RGS3: variants seen among roughly 807,000 people sequenced by gnomAD.
RGS3 encodes regulator of G protein signaling 3, also known as regulator of G-protein signalling 3.
RGS3 carries 80 observed loss-of-function variants against 132.6 expected under a neutral mutation model. The observed-to-expected ratio is 0.60, with a 90% CI of 0.50 to 0.73. RGS3 has a LOEUF of 0.73. Among genes scored for constraint, RGS3 ranks in the 30% least tolerant of loss-of-function variants. RGS3 has a pLI of 0.00. For missense variants in RGS3, 1,382 were observed against 1,530.8 expected (o/e 0.90, Z 1.62); for synonymous variants, 598 against 620.6 (o/e 0.96, Z 0.54).
At position 113,461,810 on chromosome 9, in the gene RGS3, C is replaced by G. The variant is rs775537894; in HGVS notation, c.184C>G (p.Leu62Val). The stretch of plus-strand genomic sequence containing the variant: ...CACAGCCTCTGGAGCCCAAGATAGT[C>G]TCCCCTTTGGGAGGAGGCTCTACAG... The change falls in exon 2 of 25, where the codon CTC becomes GTC. Residue 62 changes from leucine to valine, a missense_variant. Leu to Val is a conservative substitution (Grantham distance 32). Transcript: ENST00000350696. The G allele has an allele frequency of 6.8e-6, 11 of 1,614,084 alleles. No individual in the cohort carries two copies. The Middle Eastern group carries it at 8.2e-4, about 121-fold the overall frequency.
chr9:113,581,031 T>C (rs2118957773), intron 19 of RGS3: 11 of 130,060 alleles, frequency 8.5e-5, no homozygotes, highest in Non-Finnish European at 1.8e-4. Flanking sequence ...AGGGGGTGGG[T>C]CGGGGGGAGG....
At chr9:113,594,212 A>G (rs1287699137) in intron 21 of RGS3, 1 of 1,612,526 alleles carries the variant, frequency 6.2e-7, no homozygotes, top group African/African-American at 1.3e-5. Context: ...GGGGTGGGGG[A>G]CAGGAGCCAG....
upstream of RGS3, among the ~76,000 whole-genome samples, chr9:113,455,499 T>G (rs1314335981): frequency 3.0e-4 from 45 of 152,184 alleles, no homozygotes; most frequent in Admixed American, 2.9e-3. Flanking sequence ...TATCAAGTCT[T>G]TAGCTTTTAT....
In RGS3 at chr9:113,505,192, C is replaced by T. The variant is rs1359147766; in HGVS notation, c.898-250C>T. On this transcript the variant is annotated intron_variant, in intron 10 of 24. Coordinates refer to ENST00000350696, the Ensembl canonical transcript of RGS3. ...TTTGCTTTTCCAAGACCTTGTCCAT[C>T]CCAGGCCCTCCCCACATCAGCCTGG... The T allele has an allele frequency of 7.4e-6, 4 of 539,402 alleles. No individual in the cohort carries two copies. In the East Asian group the frequency reaches 1.2e-4, roughly 16 times the overall value. 33.4% of individuals were successfully genotyped at this position (539,402 alleles called of 1,614,324 possible).
At chr9:113,514,915 C>A (rs1831577676) in intron 15 of RGS3, among the ~76,000 whole-genome samples, 1 of 152,138 alleles carries the variant, frequency 6.6e-6, no homozygotes, top group African/African-American at 2.4e-5. Context: ...CCTCCCCTTT[C>A]TCTGGGGAAA....
At chr9:113,456,233 T>C (rs113695465), upstream of RGS3, among the ~76,000 whole-genome samples, 6,258 of 152,328 alleles carry the variant, frequency 0.041, 168 homozygotes, top group South Asian at 0.1. Flanking sequence ...TTATGCATGC[T>C]CATGGCCTCA....
rs921322023 is a variant in RGS3, at chr9:113,485,767, C to T, written c.689+74C>T. ...GTGACAGCCAGGTGGCCAGCATACA[C>T]CAGGGGTTCGATTAGTGCTTTCTGG... On this transcript the variant is annotated intron_variant, in intron 7 of 24. Coordinates refer to ENST00000350696, the Ensembl canonical transcript of RGS3. The T allele has an allele frequency of 2.2e-5, 24 of 1,099,194 alleles. No homozygotes were observed. The South Asian group carries it at 3.1e-4, about 14-fold the overall frequency. The allele number at this position is 1,099,194 out of a possible 1,614,324, so 68.1% of individuals were successfully genotyped here.
intron 19 of RGS3, among the ~76,000 whole-genome samples, chr9:113,562,524 TTCAA>T (rs1381980279): frequency 6.6e-6 from 1 of 151,092 alleles, no homozygotes; most frequent in African/African-American, 2.4e-5. Context: ...GCTATGAGGA[TTCAA>T]TCAATCAGTC....
intron 19 of RGS3, among the ~76,000 whole-genome samples, chr9:113,553,441 T>TA (rs66536651): frequency 1.6e-3 from 32 of 20,422 alleles, no homozygotes; most frequent in African/African-American, 2.3e-3. Flanking sequence ...AAACTCTGTT[T>TA]AAAAAAAAAA....
At chr9:113,551,483 C>T (rs939691248) in intron 19 of RGS3, among the ~76,000 whole-genome samples, 1 of 152,126 alleles carries the variant, frequency 6.6e-6, no homozygotes, top group African/African-American at 2.4e-5. Context: ...TAGGTGTACA[C>T]CTAGGAGTGG....
rs2119163510 is a variant in RGS3 at position 113,463,652 on chromosome 9, A to C, written c.415+1451A>C. The C allele has an allele frequency of 1.2e-4, 142 of 1,150,814 alleles. No homozygotes were observed. In the East Asian group the frequency reaches 1.4e-3, roughly 11 times the overall value. 71.3% of individuals were successfully genotyped at this position (1,150,814 alleles called of 1,614,324 possible). A position where few individuals can be genotyped will look rare whatever the true frequency, so the allele number is the denominator to read the frequency against. ...CTCCCCATTCAAACCCGCGCGGGCC[A>C]ATCAGGGCCGGGCGCGCCCTGGCCG... is the stretch of plus-strand genomic sequence containing the variant. On this transcript the variant is annotated intron_variant, in intron 3 of 24. Transcript: ENST00000350696. The surrounding 1 kb of genome is among the most constrained non-coding windows in gnomAD (Gnocchi z 4.6).
chr9:113,582,704 C>T (rs1004094724), intron 19 of RGS3: 7 of 152,060 alleles, frequency 4.6e-5, no homozygotes, highest in African/African-American at 1.4e-4. Context: ...GCAAAACCCC[C>T]TAGGATCCCG....
exon 25 of RGS3, chr9:113,597,179 C>T: frequency 4.2e-6 from 2 of 473,606 alleles, no homozygotes; most frequent in Non-Finnish European, 7.5e-6. Context: ...TACGAGGGGG[C>T]CCAAGACCCT....
intron 18 of RGS3, among the ~76,000 whole-genome samples, 161 bp downstream of exon 16, chr9:113,529,425 A>G (rs1832369944): frequency 6.6e-6 from 1 of 152,110 alleles, no homozygotes; most frequent in Non-Finnish European, 1.5e-5. Context: ...GCTAGGTAGA[A>G]TGGGACTAGC....
intron 4 of RGS3, among the ~76,000 whole-genome samples, chr9:113,480,989 A>G (rs147009702): frequency 0.011 from 1,611 of 152,302 alleles, 11 homozygotes; most frequent in Non-Finnish European, 0.018. Context: ...ACTCCCTTGA[A>G]TACATCTTGC....
Position 113,504,006 on chromosome 9 carries a change from C to G in RGS3, c.898-1436C>G, listed in dbSNP as rs547636696. Reference sequence around the variant, plus strand: ...CCTGCCTCCTCCCCCTTCCCCTTGTCTGTCAGGTTTCCTGTTTTACAAACT... The same window carrying G: ...CCTGCCTCCTCCCCCTTCCCCTTGTGTGTCAGGTTTCCTGTTTTACAAACT... On this transcript the variant is annotated intron_variant, in intron 10 of 24. Transcript: ENST00000350696. Among the ~76,000 whole-genome samples, 7 of 152,304 alleles carry G rather than the reference C, an allele frequency of 4.6e-5. No individual in the cohort carries two copies. In the South Asian group the frequency reaches 1.2e-3, roughly 27 times the overall value.
intron 19 of RGS3, chr9:113,541,457 G>T (rs1365998789): frequency 6.2e-7 from 1 of 1,608,726 alleles, no homozygotes; most frequent in East Asian, 2.2e-5. Flanking sequence ...TCTGCTTCTG[G>T]CAACTTAACC....
intron 17 of RGS3, among the ~76,000 whole-genome samples, chr9:113,528,078 C>T (rs1255925096): frequency 6.6e-6 from 1 of 152,200 alleles, no homozygotes; most frequent in African/African-American, 2.4e-5. Flanking sequence ...AGAGCCCTGT[C>T]TTCCAGGGGT....
intron 17 of RGS3, among the ~76,000 whole-genome samples, chr9:113,526,461 TAGGCTCTGG>T (rs1199945178): frequency 6.6e-6 from 1 of 152,176 alleles, no homozygotes; most frequent in African/African-American, 2.4e-5. Context: ...GGTCAGGACG[TAGGCTCTGG>T]AGGCAGGCAG....
Sources: allele counts gnomAD v4.1 joint callset (sites outside exome capture counted in the v4.1 genomes callset), GRCh38; gene constraint gnomAD v4.1.1; non-coding constraint Gnocchi (gnomAD v3.1); transcripts MANE v1.5; gene names NCBI Gene and HGNC (gene_info 2026-07-23, HGNC 2026-07-21).